The following NR6A1 variants were observed in gnomAD, a reference collection of about 807,000 sequenced individuals.
The protein encoded by NR6A1 is nuclear receptor subfamily 6 group A member 1.
A neutral mutation model predicts 59.1 loss-of-function variants in NR6A1; 7 were observed. The observed-to-expected ratio is 0.12, with a 90% CI of 0.07 to 0.22. The LOEUF (loss-of-function observed/expected upper bound fraction) is 0.22. Among genes scored for constraint, NR6A1 ranks in the 10% least tolerant of loss-of-function variants. The probability of loss-of-function intolerance (pLI) is 1.00; values close to 1 mark genes in which losing one functional copy is unlikely to be tolerated. For missense variants in NR6A1, 468 were observed against 611.6 expected, an observed-to-expected ratio of 0.77 and a Z score of 2.48; for synonymous variants, 243 against 236.1, an observed-to-expected ratio of 1.03 and a Z score of -0.27.
At chr9:124,697,447 T>A (rs1413458344) in intron 2 of NR6A1, among the ~76,000 whole-genome samples, 1 of 151,980 alleles carries the variant, frequency 6.6e-6, no homozygotes, top group African/African-American at 2.4e-5. Context: ...CCAGTCTTGG[T>A]GGTAAGAAGG....
chr9:124,716,091 C>A (rs1839410864), intron 2 of NR6A1, among the ~76,000 whole-genome samples: 1 of 152,076 alleles, frequency 6.6e-6, no homozygotes, highest in Non-Finnish European at 1.5e-5. Flanking sequence ...GTGGTCCCAG[C>A]TACTTGGGAG....
intron 2 of NR6A1, among the ~76,000 whole-genome samples, chr9:124,721,206 C>A (rs1839553523): frequency 6.6e-6 from 1 of 152,192 alleles, no homozygotes. Context: ...CAACAACCGC[C>A]TTTGAATGCA....
At chr9:124,577,760 T>C (rs937905468) in intron 2 of NR6A1, among the ~76,000 whole-genome samples, 2 of 152,194 alleles carry the variant, frequency 1.3e-5, no homozygotes, top group Non-Finnish European at 2.9e-5. Flanking sequence ...TGATGGCTCA[T>C]TGCAGAAATT....
chr9:124,724,430 A>G (rs1462808310), intron 2 of NR6A1, among the ~76,000 whole-genome samples: 1 of 146,680 alleles, frequency 6.8e-6, no homozygotes, highest in African/African-American at 2.5e-5. Flanking sequence ...AAAAAAAGAG[A>G]AAAAAAAAAA....
chr9:124,668,164 A>G (rs1564227519), intron 2 of NR6A1, among the ~76,000 whole-genome samples: 2 of 152,238 alleles, frequency 1.3e-5, no homozygotes, highest in African/African-American at 2.4e-5. Flanking sequence ...ACTATAATAA[A>G]CTAGAGAAAA....
chr9:124,724,822 T>C (rs1364579946), intron 2 of NR6A1, among the ~76,000 whole-genome samples: 2 of 152,220 alleles, frequency 1.3e-5, no homozygotes, highest in Admixed American at 1.3e-4. Context: ...CCCTTTATTA[T>C]GTGCTGTTTA....
chr9:124,748,961 A>C (rs1436390454), intron 1 of NR6A1, among the ~76,000 whole-genome samples: 5 of 151,580 alleles, frequency 3.3e-5, no homozygotes, highest in Non-Finnish European at 7.4e-5. Flanking sequence ...GCAAATGTTC[A>C]GTAAGAGTTA....
intron 2 of NR6A1, among the ~76,000 whole-genome samples, chr9:124,727,113 T>C (rs989015644): frequency 2.6e-5 from 3 of 114,158 alleles, no homozygotes; most frequent in African/African-American, 9.0e-5. Flanking sequence ...CTGTATTTTT[T>C]AGTGCCTCCT....
Position 124,758,137 on chromosome 9 carries a change from A to C in NR6A1, c.100+12883T>G, listed in dbSNP as rs566279312. Reference sequence around the variant, plus strand: ...GAAAGGGAATATTTTTTTGTGGGAAAGCAATTGTATTTTCCCACATTAGGT... The same window carrying C: ...GAAAGGGAATATTTTTTTGTGGGAACGCAATTGTATTTTCCCACATTAGGT... On this transcript the variant is annotated intron_variant, in intron 1 of 9. Coordinates refer to ENST00000487099, the MANE Select transcript of NR6A1 (RefSeq NM_033334.4). 3.4e-3 allele frequency among the ~76,000 whole-genome samples: 509 copies of C among 151,600 alleles called. 1 individual carries two copies. The highest frequency in any genetic ancestry group is 5.9e-3 in the Non-Finnish European group (403 of 67,918).
chr9:124,549,170 G>C (rs940060028), intron 3 of NR6A1, among the ~76,000 whole-genome samples: 2 of 152,224 alleles, frequency 1.3e-5, no homozygotes, highest in African/African-American at 4.8e-5. Flanking sequence ...GTCAGAGAAG[G>C]CTTCTTAGAG....
chr9:124,619,621 A>T (rs2130858255), intron 2 of NR6A1, among the ~76,000 whole-genome samples: 2 of 152,314 alleles, frequency 1.3e-5, no homozygotes, highest in East Asian at 3.9e-4. Flanking sequence ...ACCAGAGTAT[A>T]CATCAGACTG....
chr9:124,704,900 G>A (rs536644570), intron 2 of NR6A1, among the ~76,000 whole-genome samples: 25 of 152,026 alleles, frequency 1.6e-4, no homozygotes, highest in African/African-American at 3.4e-4. Context: ...CACAACTGGC[G>A]AATTTCTGGT....
intron 2 of NR6A1, among the ~76,000 whole-genome samples, chr9:124,664,309 T>C (rs962209016): frequency 1.3e-5 from 2 of 152,190 alleles, no homozygotes; most frequent in Non-Finnish European, 2.9e-5. Context: ...TTGTGCGATG[T>C]AGTTTAGAAG....
intron 1 of NR6A1, among the ~76,000 whole-genome samples, chr9:124,749,090 C>G (rs1384290017): frequency 2.0e-5 from 3 of 151,922 alleles, no homozygotes; most frequent in Non-Finnish European, 4.4e-5. Context: ...TGGAGAAACT[C>G]CATCTCTACT....
intron 2 of NR6A1, among the ~76,000 whole-genome samples, chr9:124,727,841 T>C (rs567871255): frequency 4.8e-4 from 72 of 150,410 alleles, no homozygotes; most frequent in South Asian, 2.1e-3. Context: ...TGTGCCACCA[T>C]GGCCAGTTTA....
chr9:124,687,743 T>C (rs1838383367), intron 2 of NR6A1, among the ~76,000 whole-genome samples: 1 of 152,184 alleles, frequency 6.6e-6, no homozygotes, highest in African/African-American at 2.4e-5. Context: ...TGGGATCAGA[T>C]GCAAACCAAA....
At chr9:124,629,676 CCTTT>C (rs1380864321) in intron 2 of NR6A1, among the ~76,000 whole-genome samples, 2 of 152,196 alleles carry the variant, frequency 1.3e-5, no homozygotes, top group Non-Finnish European at 2.9e-5. Context: ...GTTTTACCTT[CCTTT>C]GCCTTCCTAG....
At chr9:124,673,211 A>G (rs1020551443) in intron 2 of NR6A1, among the ~76,000 whole-genome samples, 1 of 152,146 alleles carries the variant, frequency 6.6e-6, no homozygotes, top group Non-Finnish European at 1.5e-5. Flanking sequence ...AGTCCCATCT[A>G]CTTGGGAGGC....
chr9:124,579,174 C>A lies in NR6A1; in HGVS notation c.143-24604G>T, dbSNP rs149740744. 8.5e-3 allele frequency among the ~76,000 whole-genome samples: 1,250 copies of A among 146,938 alleles called. 14 individuals are homozygous for A. The highest frequency in any genetic ancestry group is 0.029 in the African/African-American group (1,173 of 39,850). ...GGCATGCACCTGTGGTCCCAGCTAC[C>A]TGGGAGGCTTAGGTGGAGGATTGCC... On this transcript the variant is annotated intron_variant, in intron 2 of 9. Transcript: ENST00000487099.
Sources: gnomAD v4.1 joint callset for allele counts (sites outside exome capture counted in the v4.1 genomes callset) on GRCh38, gnomAD v4.1.1 for gene constraint, MANE v1.5 for transcripts, NCBI Gene and HGNC (gene_info 2026-07-23, HGNC 2026-07-21) for gene names.